Variants in NME7 observed in about 807,000 individuals in gnomAD.
The protein encoded by NME7 is nucleoside diphosphate kinase 7.
In NME7, 41 loss-of-function variants were observed where a neutral mutation model predicts 49.1. That is an observed-to-expected ratio of 0.83 (90% CI 0.65 to 1.08). The LOEUF (loss-of-function observed/expected upper bound fraction) is 1.08. Among genes scored for constraint, NME7 ranks in the 50% least tolerant of loss-of-function variants. NME7 has a pLI of 0.00. For synonymous variants in NME7, 139 were observed against 150.6 expected (o/e 0.92, Z 0.56); for missense variants, 423 against 463.4 (o/e 0.91, Z 0.80).
chr1:169,259,771 C>T lies in NME7; in HGVS notation c.755-22084G>A, dbSNP rs1311226975. ...AGCCCAATACTTAAATAAGATTTGG[C>T]TTAAAGATTTTCTGACCTCAAATTC... On this transcript the variant is annotated intron_variant, in intron 7 of 11. Transcript: ENST00000367811. 3.0e-5 allele frequency among the ~76,000 whole-genome samples: 4 copies of T among 133,880 alleles called. 1 individual carries two copies. Among genetic ancestry groups the T allele is most frequent in the Admixed American group, 1.5e-4 (2 of 13,654 alleles). 87.8% of individuals were successfully genotyped at this position (133,880 alleles called of 152,430 possible).
intron 11 of NME7, among the ~76,000 whole-genome samples, chr1:169,133,299 TTAAC>T (rs1197541075): frequency 2.0e-5 from 3 of 152,238 alleles, no homozygotes; most frequent in Non-Finnish European, 4.4e-5. Flanking sequence ...TTAGTATCAC[TTAAC>T]TAACATGGGA....
intron 10 of NME7, among the ~76,000 whole-genome samples, chr1:169,211,205 T>C (rs1320256585): frequency 6.6e-6 from 1 of 152,188 alleles, no homozygotes; most frequent in Non-Finnish European, 1.5e-5. Flanking sequence ...TCTGGAAACA[T>C]AATAAACATT....
rs772866672 is a variant in NME7 at position 169,169,547 on chromosome 1, G to A, written c.998C>T (p.Ala333Val). ...GAGAGTTCCAGGGCGTAAATGCCGG[G>A]CAATTTCCTATTAAACATACATTCA... ...EFCGPADPEI[A>V]RHLRPGTLRA... Residue 333 changes from alanine (A) to valine (V), a missense_variant, in exon 11 of 12, where the codon GCC becomes GTC. Ala to Val is a moderately conservative substitution (Grantham distance 64). Coordinates refer to ENST00000367811, the MANE Select transcript of NME7 (RefSeq NM_013330.5). 6.2e-7 allele frequency: 1 copy of A among 1,613,576 alleles called. No homozygotes were observed.
At chr1:169,252,088 G>T (rs989561414) in intron 7 of NME7, among the ~76,000 whole-genome samples, 5 of 149,294 alleles carry the variant, frequency 3.3e-5, no homozygotes, top group African/African-American at 9.9e-5. Flanking sequence ...TAATGGGATG[G>T]CTGGGTCAAA....
intron 10 of NME7, among the ~76,000 whole-genome samples, chr1:169,206,607 T>C (rs1660680868): frequency 6.6e-6 from 1 of 152,124 alleles, no homozygotes; most frequent in Non-Finnish European, 1.5e-5. Context: ...TGATGGAGCC[T>C]ATGAACCCTT....
At chr1:169,278,915 C>T (rs4300284) in intron 7 of NME7, among the ~76,000 whole-genome samples, 5 of 151,928 alleles carry the variant, frequency 3.3e-5, no homozygotes, top group Admixed American at 1.3e-4. Flanking sequence ...CAGGACCCTC[C>T]GCTGCAGGTC....
In NME7 at chr1:169,287,051, C is replaced by G. The variant is rs116648936; in HGVS notation, c.754+252G>C. The stretch of plus-strand genomic sequence containing the variant: ...AGACTAAAAGTCAATTAGCCAAGAT[C>G]TGTAACAGTATGACTGAGCCTGAGC... On this transcript the variant is annotated intron_variant, in intron 7 of 11. Transcript: ENST00000367811. 1.2e-3 allele frequency: 439 copies of G among 356,002 alleles called. 3 individuals are homozygous for G. The highest frequency in any genetic ancestry group is 8.5e-3 in the African/African-American group (400 of 47,004). 22.1% of individuals were successfully genotyped at this position (356,002 alleles called of 1,614,324 possible). A position where few individuals can be genotyped will look rare whatever the true frequency, so the allele number is the denominator to read the frequency against.
intron 1 of NME7, among the ~76,000 whole-genome samples, chr1:169,342,467 A>C (rs2101963022): frequency 6.9e-6 from 1 of 145,076 alleles, no homozygotes; most frequent in African/African-American, 2.5e-5. Context: ...ATACAAGTAC[A>C]TATATATACT....
intron 7 of NME7, among the ~76,000 whole-genome samples, chr1:169,241,149 TCA>T (rs1334888754): frequency 6.6e-6 from 1 of 152,134 alleles, no homozygotes; most frequent in African/African-American, 2.4e-5. Flanking sequence ...TCACATTACT[TCA>T]CACAGAGTAT....
intron 10 of NME7, among the ~76,000 whole-genome samples, chr1:169,225,737 T>C (rs1242911625): frequency 1.3e-5 from 2 of 152,152 alleles, no homozygotes; most frequent in African/African-American, 2.4e-5. Context: ...TGGACACCAC[T>C]TCTAGAGAGA....
intron 10 of NME7, 29 bp downstream of exon 10, chr1:169,230,689 C>T (rs200432693): frequency 6.7e-7 from 1 of 1,486,638 alleles, no homozygotes; most frequent in African/African-American, 1.4e-5. Flanking sequence ...ATAACACAAA[C>T]TAGGATAATA....
intron 1 of NME7, among the ~76,000 whole-genome samples, chr1:169,365,511 A>G (rs1653817598): frequency 6.6e-6 from 1 of 152,246 alleles, no homozygotes; most frequent in Non-Finnish European, 1.5e-5. Context: ...ACCAGTTTGA[A>G]GTTGCTTGGT....
rs199883187 is a variant in NME7 at position 169,158,609 on chromosome 1, T to TA, written c.1098+10837dup. 1.9e-3 allele frequency among the ~76,000 whole-genome samples: 290 copies of TA among 151,938 alleles called. 2 individuals are homozygous for TA. The highest frequency in any genetic ancestry group is 6.5e-3 in the African/African-American group (271 of 41,406). ...TAATAGGGCTCTAGGCTTACATAGT[T>TA]AAAAAAAACTCTATAGGTGATTTTA... On this transcript the variant is annotated intron_variant, in intron 11 of 11. Coordinates refer to ENST00000367811, the MANE Select transcript of NME7 (RefSeq NM_013330.5).
intron 10 of NME7, among the ~76,000 whole-genome samples, chr1:169,221,002 T>C (rs916105090): frequency 3.9e-5 from 6 of 152,206 alleles, no homozygotes; most frequent in African/African-American, 1.4e-4. Flanking sequence ...TAGAGTGAGA[T>C]AAAATCATAA....
intron 9 of NME7, among the ~76,000 whole-genome samples, chr1:169,232,625 CA>C (rs1351071375): frequency 1.3e-5 from 2 of 151,136 alleles, no homozygotes; most frequent in African/African-American, 4.9e-5. Context: ...CAATGATGAC[CA>C]AAAAATGTAA....
At chr1:169,188,695 G>A (rs2101759472) in intron 10 of NME7, among the ~76,000 whole-genome samples, 1 of 152,274 alleles carries the variant, frequency 6.6e-6, no homozygotes, top group South Asian at 2.1e-4. Flanking sequence ...ATTGCTTAAG[G>A]GAACACAACA....
chr1:169,325,172 G>A (rs961300239), intron 1 of NME7, among the ~76,000 whole-genome samples: 9 of 152,132 alleles, frequency 5.9e-5, no homozygotes, highest in African/African-American at 1.9e-4. Context: ...GTTTGACACA[G>A]AGTGGTGGAG....
At position 169,271,676 on chromosome 1, in the gene NME7, T is replaced by G. The variant is rs533176704; in HGVS notation, c.754+15627A>C. 9.7e-5 allele frequency among the ~76,000 whole-genome samples: 13 copies of G among 133,764 alleles called. 3 individuals are homozygous for G. The highest frequency in any genetic ancestry group is 9.7e-4 in the Admixed American group (13 of 13,460). The allele number at this position is 133,764 out of a possible 152,430, so 87.8% of individuals were successfully genotyped here. A position where few individuals can be genotyped will look rare whatever the true frequency, so the allele number is the denominator to read the frequency against. ...TCAACAGGATATTCTGGCCTTTTTT[T>G]GGGAAGTCAGCAGTCAACAGAAGGG... is the stretch of plus-strand genomic sequence containing the variant. On this transcript the variant is annotated intron_variant, in intron 7 of 11. Coordinates refer to ENST00000367811, the MANE Select transcript of NME7 (RefSeq NM_013330.5).
At chr1:169,152,134 G>A (rs1365304274) in intron 11 of NME7, among the ~76,000 whole-genome samples, 1 of 152,108 alleles carries the variant, frequency 6.6e-6, no homozygotes, top group Non-Finnish European at 1.5e-5. Flanking sequence ...AAACAGGCCT[G>A]CCATAGAAGT....
Sources: allele counts gnomAD v4.1 joint callset (sites outside exome capture counted in the v4.1 genomes callset), GRCh38; gene constraint gnomAD v4.1.1; transcripts MANE v1.5; gene names NCBI Gene and HGNC (gene_info 2026-07-23, HGNC 2026-07-21).